SLC26A7: variants seen among roughly 807,000 people sequenced by gnomAD.
The protein encoded by SLC26A7 is anion exchange transporter.
Under a neutral mutation model 82.5 loss-of-function variants are expected in SLC26A7, and 59 were observed. That is an observed-to-expected ratio of 0.72 (90% CI 0.58 to 0.89). The LOEUF is 0.89. Among genes scored for constraint, SLC26A7 ranks in the 40% least tolerant of loss-of-function variants. The pLI, the probability that SLC26A7 is intolerant of heterozygous loss-of-function variation, is 0.00. For synonymous variants in SLC26A7, 271 were observed against 274.3 expected, an observed-to-expected ratio of 0.99 and a Z score of 0.12; for missense variants, 820 against 793.0, an observed-to-expected ratio of 1.03 and a Z score of -0.41.
chr8:91,327,749 G>C (rs1350869521), intron 5 of SLC26A7, among the ~76,000 whole-genome samples: 1 of 152,110 alleles, frequency 6.6e-6, no homozygotes, highest in South Asian at 2.1e-4. Flanking sequence ...CTAATGCTCT[G>C]TTGTTTCTCT....
intron 2 of SLC26A7, among the ~76,000 whole-genome samples, chr8:91,226,738 C>A (rs1034775667): frequency 6.6e-6 from 1 of 152,256 alleles, no homozygotes; most frequent in East Asian, 1.9e-4. Flanking sequence ...AAAAGGGGAT[C>A]CAGAAGATAG....
chr8:91,316,319 G>C (rs1586400388), intron 4 of SLC26A7, among the ~76,000 whole-genome samples: 2 of 152,004 alleles, frequency 1.3e-5, no homozygotes, highest in Admixed American at 1.3e-4. Context: ...GTCTCACTCT[G>C]TTGCCCAGGC....
chr8:91,354,346 T>C (rs1813803487), intron 11 of SLC26A7, among the ~76,000 whole-genome samples: 1 of 152,090 alleles, frequency 6.6e-6, no homozygotes, highest in South Asian at 2.1e-4. Flanking sequence ...GAATCTCATA[T>C]GCAAAGATAC....
intron 2 of SLC26A7, among the ~76,000 whole-genome samples, chr8:91,229,419 A>G (rs1453050126): frequency 6.6e-6 from 1 of 152,238 alleles, no homozygotes; most frequent in Non-Finnish European, 1.5e-5. Context: ...ATTCTCAAAC[A>G]TAAAGAAAAG....
intron 9 of SLC26A7, among the ~76,000 whole-genome samples, chr8:91,346,991 T>C (rs1183400442): frequency 6.6e-6 from 1 of 152,196 alleles, no homozygotes; most frequent in Non-Finnish European, 1.5e-5. Context: ...TGTTCATTAT[T>C]GTGATTATAT....
At chr8:91,328,664 C>A (rs996671326) in intron 5 of SLC26A7, among the ~76,000 whole-genome samples, 2 of 151,948 alleles carry the variant, frequency 1.3e-5, no homozygotes, top group African/African-American at 4.8e-5. Flanking sequence ...TCCCAGACAC[C>A]ATTCTAGAAG....
At chr8:91,303,023 C>T (rs1322446972) in intron 4 of SLC26A7, among the ~76,000 whole-genome samples, 2 of 151,934 alleles carry the variant, frequency 1.3e-5, no homozygotes, top group South Asian at 2.1e-4. Context: ...TTCTAAGGCA[C>T]GTTGTCTCAT....
At chr8:91,259,006 C>T (rs1189186376) in intron 2 of SLC26A7, among the ~76,000 whole-genome samples, 1 of 152,032 alleles carries the variant, frequency 6.6e-6, no homozygotes, top group Admixed American at 6.6e-5. Flanking sequence ...ATCTCCTTGG[C>T]CTCTCTCACT....
intron 11 of SLC26A7, among the ~76,000 whole-genome samples, chr8:91,358,210 C>G (rs1462942354): frequency 6.6e-6 from 1 of 152,092 alleles, no homozygotes; most frequent in Non-Finnish European, 1.5e-5. Context: ...GGCAATTCTT[C>G]AGGGATCTAG....
chr8:91,367,752 A>C (rs1239081882), intron 14 of SLC26A7, among the ~76,000 whole-genome samples: 1 of 152,188 alleles, frequency 6.6e-6, no homozygotes, highest in East Asian at 1.9e-4. Flanking sequence ...AGTTTGGTTG[A>C]CTACTGTCTC....
chr8:91,394,933 C>A, intron 18 of SLC26A7, 129 bp from the exon 19 acceptor site: 1 of 1,086,540 alleles, frequency 9.2e-7, no homozygotes, highest in Non-Finnish European at 1.4e-6. Context: ...TACTCTGATG[C>A]CTCATAAAAG....
At chr8:91,301,233 A>C (rs1375616913) in intron 4 of SLC26A7, among the ~76,000 whole-genome samples, 2 of 152,068 alleles carry the variant, frequency 1.3e-5, no homozygotes, top group Non-Finnish European at 2.9e-5. Flanking sequence ...CTAAGTCTCA[A>C]TGTTTTACTT....
Position 91,338,193 on chromosome 8 carries a change from A to C in SLC26A7, c.839A>C (p.Asn280Thr). The change falls in exon 7 of 19, where the codon AAC (asparagine) becomes ACC (threonine). Residue 280 changes from asparagine to threonine, a missense_variant. Coordinates refer to ENST00000276609, the MANE Select transcript of SLC26A7 (RefSeq NM_052832.4). Reference sequence around the variant, plus strand: ...GCTTGTTATTGCACCAATATGGAAAACACATATGGATTAGAAGTAGTTGGT... The same window carrying C: ...GCTTGTTATTGCACCAATATGGAAACCACATATGGATTAGAAGTAGTTGGT... ...SFACYCTNMENTYGLEVVGHI... is the reference protein window; with the variant it reads ...SFACYCTNMETTYGLEVVGHI... 1 of 1,610,912 alleles carries C rather than the reference A, an allele frequency of 6.2e-7. No individual in the cohort carries two copies. The highest frequency in any genetic ancestry group is 8.5e-7 in the Non-Finnish European group (1 of 1,178,788).
chr8:91,313,560 C>T (rs1292646061), intron 4 of SLC26A7, among the ~76,000 whole-genome samples: 8 of 152,142 alleles, frequency 5.3e-5, no homozygotes, highest in Non-Finnish European at 1.5e-5. Flanking sequence ...CAGCATACAA[C>T]ACAGGGCTCT....
At chr8:91,375,354 C>A (rs574793665) in intron 15 of SLC26A7, among the ~76,000 whole-genome samples, 3 of 152,108 alleles carry the variant, frequency 2.0e-5, no homozygotes, top group Non-Finnish European at 4.4e-5. Context: ...ACACAATATG[C>A]TTTCATGGTA....
chr8:91,263,499 T>G (rs1811025186), intron 2 of SLC26A7, among the ~76,000 whole-genome samples: 2 of 152,240 alleles, frequency 1.3e-5, no homozygotes, highest in South Asian at 4.1e-4. Flanking sequence ...CATTTAAATC[T>G]TGAAGATGCC....
intron 4 of SLC26A7, among the ~76,000 whole-genome samples, chr8:91,312,664 T>C (rs1331365920): frequency 3.3e-5 from 5 of 152,030 alleles, no homozygotes; most frequent in African/African-American, 1.2e-4. Flanking sequence ...TGTGTGTGTG[T>C]GTGTGTGTGT....
intron 15 of SLC26A7, among the ~76,000 whole-genome samples, chr8:91,370,579 C>T (rs10102488): frequency 0.23 from 34,828 of 151,836 alleles, 5,162 homozygotes; most frequent in African/African-American, 0.43. Context: ...ATTTTGATGG[C>T]GGATGCTTGT....
At position 91,389,374 on chromosome 8, in the gene SLC26A7, A is replaced by C. The variant is rs34411388; in HGVS notation, c.1712A>C (p.Tyr571Ser). 1,580 of 1,614,070 alleles carry C rather than the reference A, an allele frequency of 9.8e-4. 18 individuals are homozygous for C. The African/African-American group carries it at 0.019, about 19-fold the overall frequency. The stretch of plus-strand genomic sequence containing the variant: ...CAGTCCTGCCCTAATGAGAAGTGTT[A>C]TTTAATCCTGGATTGCAGTGGATTT... ...ASQSCPNEKCYLILDCSGFTF... is the reference protein window; with the variant it reads ...ASQSCPNEKCSLILDCSGFTF... Residue 571 changes from tyrosine (Y) to serine (S), a missense_variant, in exon 16 of 19, where the codon TAT becomes TCT. Coordinates refer to ENST00000276609, the MANE Select transcript of SLC26A7 (RefSeq NM_052832.4).
Sources: gnomAD v4.1 joint callset for allele counts (sites outside exome capture counted in the v4.1 genomes callset) on GRCh38, gnomAD v4.1.1 for gene constraint, MANE v1.5 for transcripts, NCBI Gene and HGNC (gene_info 2026-07-23, HGNC 2026-07-21) for gene names.